Variants in DENND5B observed in about 807,000 individuals in gnomAD.
The protein encoded by DENND5B is DENN domain-containing protein 5B.
DENND5B carries 34 observed loss-of-function variants against 140.6 expected under a neutral mutation model. The ratio of observed to expected loss-of-function variants is 0.24; its 90% CI spans 0.18 to 0.32. The LOEUF (loss-of-function observed/expected upper bound fraction) is 0.32. Among genes scored for constraint, DENND5B ranks in the 10% least tolerant of loss-of-function variants. The pLI, the probability that DENND5B is intolerant of heterozygous loss-of-function variation, is 1.00. For synonymous variants in DENND5B, 551 were observed against 562.1 expected, an observed-to-expected ratio of 0.98 and a Z score of 0.28; for missense variants, 1,142 against 1,560.2, an observed-to-expected ratio of 0.73 and a Z score of 4.52.
chr12:31,399,179 G>A (rs1941658552), intron 16 of DENND5B, among the ~76,000 whole-genome samples: 2 of 146,196 alleles, frequency 1.4e-5, no homozygotes, highest in South Asian at 2.2e-4. Flanking sequence ...TTTTTGGGGG[G>A]CAATTTTGTA....
chr12:31,483,550 C>A (rs1946161199), intron 2 of DENND5B, among the ~76,000 whole-genome samples: 1 of 151,770 alleles, frequency 6.6e-6, no homozygotes, highest in African/African-American at 2.4e-5. Flanking sequence ...AAGCAATTCT[C>A]CTGCCTCAGC....
At chr12:31,568,119 A>G (rs1399528635) in intron 1 of DENND5B, among the ~76,000 whole-genome samples, 1 of 152,228 alleles carries the variant, frequency 6.6e-6, no homozygotes, top group Admixed American at 6.5e-5. Flanking sequence ...AAATTTTTTG[A>G]CTGCTAATGA....
At chr12:31,490,121 G>A (rs1246307458) in intron 2 of DENND5B, among the ~76,000 whole-genome samples, 2 of 140,716 alleles carry the variant, frequency 1.4e-5, no homozygotes, top group African/African-American at 5.3e-5. Flanking sequence ...GCAAGTAGGT[G>A]GATGGTTGTA....
chr12:31,541,600 G>C (rs1049865909), intron 1 of DENND5B, among the ~76,000 whole-genome samples: 1 of 152,166 alleles, frequency 6.6e-6, no homozygotes, highest in Non-Finnish European at 1.5e-5. Context: ...CAGCTGGTGG[G>C]AATGTAAATT....
At chr12:31,457,675 C>G (rs1944833558) in intron 4 of DENND5B, among the ~76,000 whole-genome samples, 1 of 151,884 alleles carries the variant, frequency 6.6e-6, no homozygotes, top group Non-Finnish European at 1.5e-5. Flanking sequence ...ACAATGATGT[C>G]CTAATTTATA....
chr12:31,483,816 C>T (rs1946177979), intron 2 of DENND5B, among the ~76,000 whole-genome samples: 1 of 150,780 alleles, frequency 6.6e-6, no homozygotes, highest in African/African-American at 2.4e-5. Flanking sequence ...AGATTTTAGA[C>T]TGAAAATGTT....
chr12:31,400,849 TG>T (rs1941755885), intron 15 of DENND5B, among the ~76,000 whole-genome samples: 1 of 18,588 alleles, frequency 5.4e-5, no homozygotes. Flanking sequence ...TTTTTTTTTT[TG>T]TTTTTTTTTT....
At chr12:31,473,362 T>C (rs921717300) in intron 3 of DENND5B, among the ~76,000 whole-genome samples, 6 of 152,192 alleles carry the variant, frequency 3.9e-5, no homozygotes, top group Admixed American at 1.3e-4. Flanking sequence ...ATCTAAATGT[T>C]TTATGGGAGT....
intron 4 of DENND5B, among the ~76,000 whole-genome samples, chr12:31,459,353 G>A (rs1263816192): frequency 1.3e-5 from 2 of 152,104 alleles, no homozygotes; most frequent in African/African-American, 2.4e-5. Flanking sequence ...GCAGTGGCAC[G>A]ATCTTGGCTT....
Position 31,564,074 on chromosome 12 carries a change from C to T in DENND5B, c.127+26632G>A, listed in dbSNP as rs1420943037. On this transcript the variant is annotated intron_variant, in intron 1 of 20. Transcript: ENST00000389082. ...CAGAAGTTGCAATGAGCCAGAATCACACCACTGCACTCCAGCCTGGGCAAC... is the reference window on the plus strand; with the variant it reads ...CAGAAGTTGCAATGAGCCAGAATCATACCACTGCACTCCAGCCTGGGCAAC... Among the ~76,000 whole-genome samples, 6 of 152,174 alleles carry T rather than the reference C, an allele frequency of 3.9e-5. No individual in the cohort carries two copies. The East Asian group carries it at 9.6e-4, about 24-fold the overall frequency.
chr12:31,516,868 T>C (rs548820071), intron 1 of DENND5B, among the ~76,000 whole-genome samples: 3 of 152,098 alleles, frequency 2.0e-5, no homozygotes, highest in Admixed American at 2.0e-4. Flanking sequence ...GAGTCCAGGA[T>C]GTTGAGGCTG....
chr12:31,425,948 A>G (rs1324051392), intron 9 of DENND5B, among the ~76,000 whole-genome samples: 1 of 152,242 alleles, frequency 6.6e-6, no homozygotes, highest in Non-Finnish European at 1.5e-5. Flanking sequence ...GGTTGTACAC[A>G]GGTGCATACA....
intron 3 of DENND5B, among the ~76,000 whole-genome samples, chr12:31,468,741 G>T (rs1000652023): frequency 6.6e-6 from 1 of 152,116 alleles, no homozygotes; most frequent in Non-Finnish European, 1.5e-5. Flanking sequence ...AGCCCAGGGA[G>T]GTCAAGACTG....
intron 1 of DENND5B, among the ~76,000 whole-genome samples, chr12:31,560,231 C>T (rs1466322052): frequency 3.3e-5 from 5 of 152,180 alleles, no homozygotes; most frequent in Non-Finnish European, 5.9e-5. Context: ...CTGAGCTGTG[C>T]CAACCCTCCT....
intron 1 of DENND5B, among the ~76,000 whole-genome samples, chr12:31,585,664 T>C (rs185064992): frequency 3.6e-4 from 55 of 152,304 alleles, no homozygotes; most frequent in Admixed American, 3.5e-3. Context: ...ACCATAAATA[T>C]GTCTAAGGTC....
intron 2 of DENND5B, among the ~76,000 whole-genome samples, chr12:31,488,164 C>T (rs541779061): frequency 6.8e-5 from 10 of 147,902 alleles, no homozygotes; most frequent in Admixed American, 4.1e-4. Flanking sequence ...TTAGTAGAGA[C>T]GAGGTTTCAC....
intron 17 of DENND5B, among the ~76,000 whole-genome samples, chr12:31,396,056 G>GTTTTTTTTTTTTT (rs34089984): frequency 8.9e-6 from 1 of 112,262 alleles, no homozygotes; most frequent in Non-Finnish European, 1.7e-5. Flanking sequence ...GGCATTCCTT[G>GTTTTTTTTTTTTT]TTTTTTTTTT....
chr12:31,498,422 T>C lies in DENND5B; in HGVS notation c.128-2503A>G, dbSNP rs1250199715. Reference sequence around the variant, plus strand: ...GTTAACTAAGGAACATTGCACCTTCTTGACACACAAAGAATCAACAAGAAG... The same window carrying C: ...GTTAACTAAGGAACATTGCACCTTCCTGACACACAAAGAATCAACAAGAAG... On this transcript the variant is annotated intron_variant, in intron 1 of 20. Coordinates refer to ENST00000389082, the MANE Select transcript of DENND5B (RefSeq NM_144973.4). 4.6e-5 allele frequency among the ~76,000 whole-genome samples: 7 copies of C among 152,222 alleles called. No homozygotes were observed. The South Asian group carries it at 1.2e-3, about 27-fold the overall frequency.
At chr12:31,576,494 G>GA (rs1483749229) in intron 1 of DENND5B, among the ~76,000 whole-genome samples, 1 of 151,458 alleles carries the variant, frequency 6.6e-6, no homozygotes, top group African/African-American at 2.4e-5. Flanking sequence ...GAAAGAGACA[G>GA]AGAAAAGAGA....
Sources: allele counts gnomAD v4.1 joint callset (sites outside exome capture counted in the v4.1 genomes callset), GRCh38; gene constraint gnomAD v4.1.1; transcripts MANE v1.5; gene names NCBI Gene and HGNC (gene_info 2026-07-23, HGNC 2026-07-21).